ZFYVE26: variants seen among roughly 807,000 people sequenced by gnomAD.
ZFYVE26 encodes the protein zinc finger FYVE domain-containing protein 26.
A neutral mutation model predicts 276.5 loss-of-function variants in ZFYVE26; 181 were observed. The observed-to-expected ratio is 0.65, with a 90% CI of 0.58 to 0.74. The LOEUF (loss-of-function observed/expected upper bound fraction) is 0.74, where lower values mean the gene tolerates loss of function less well. Among genes scored for constraint, ZFYVE26 ranks in the 30% least tolerant of loss-of-function variants. The probability of loss-of-function intolerance (pLI) is 0.00; values close to 1 mark genes in which losing one functional copy is unlikely to be tolerated. For missense variants in ZFYVE26, 2,821 were observed against 3,097.9 expected (o/e 0.91, Z 2.12); for synonymous variants, 1,129 against 1,203.1 (o/e 0.94, Z 1.27).
In ZFYVE26 at chr14:67,805,656, G is replaced by A. The variant is rs750521999; in HGVS notation, c.1018-38C>T. The A allele has an allele frequency of 2.7e-5, 43 of 1,605,090 alleles. No individual in the cohort carries two copies. In the South Asian group the frequency reaches 4.7e-4, roughly 18 times the overall value. On this transcript the variant is annotated intron_variant, in intron 6 of 41. Transcript: ENST00000347230. Reference sequence around the variant, plus strand: ...GAAAGCTGTTATAGGCAGCTATGTGGATGAGACAGAATGGGTTCTAGCTTA... The same window carrying A: ...GAAAGCTGTTATAGGCAGCTATGTGAATGAGACAGAATGGGTTCTAGCTTA...
chr14:67,788,715 T>A (rs752440063), intron 16 of ZFYVE26, among the ~76,000 whole-genome samples: 1 of 152,188 alleles, frequency 6.6e-6, no homozygotes, highest in Non-Finnish European at 1.5e-5. Flanking sequence ...CCCAGACACA[T>A]GGGGCTACTC....
At chr14:67,753,848 T>C (rs1337294484) in intron 38 of ZFYVE26, 82 bp from the exon 39 acceptor site, 1 of 1,535,574 alleles carries the variant, frequency 6.5e-7, no homozygotes, top group Non-Finnish European at 9.0e-7. Flanking sequence ...CCTCTATTTA[T>C]TCAATTATTC....
intron 10 of ZFYVE26, chr14:67,799,414 G>C: frequency 6.2e-7 from 1 of 1,613,120 alleles, no homozygotes; most frequent in East Asian, 2.2e-5. Context: ...CTCAGGAAGA[G>C]GCCAAAGAAG....
At chr14:67,739,953 C>T (rs2038396312) in intron 13 of ZFYVE26, among the ~76,000 whole-genome samples, 1 of 152,108 alleles carries the variant, frequency 6.6e-6, no homozygotes. Flanking sequence ...GTTTATTTCT[C>T]GCTCATGTCA....
Position 67,755,077 on chromosome 14 carries a change from CT to C in ZFYVE26, c.6959del (p.Lys2320ArgfsTer3). 6.2e-7 allele frequency: 1 copy of C among 1,614,168 alleles called. No homozygotes were observed. ...TTGACACATCAGCTGCAGTCATCTTCTTTCTGAAGAATGTGGTTTTCTTCCT... is the reference window on the plus strand; with the variant it reads ...TTGACACATCAGCTGCAGTCATCTTCTTCTGAAGAATGTGGTTTTCTTCCT... ...SGRKKTTFFR[K>X]KMTAADVSRH... On this transcript the variant is annotated frameshift_variant, in exon 37 of 42. Coordinates refer to ENST00000347230, the MANE Select transcript of ZFYVE26 (RefSeq NM_015346.4). LOFTEE classifies it high-confidence loss of function.
chr14:67,800,281 G>A (rs1566894182), intron 10 of ZFYVE26, among the ~76,000 whole-genome samples: 1 of 152,136 alleles, frequency 6.6e-6, no homozygotes, highest in Non-Finnish European at 1.5e-5. Flanking sequence ...CAATAGCCCT[G>A]GTCAGCTTTA....
chr14:67,806,499 G>A, intron 6 of ZFYVE26, 46 bp downstream of exon 6: 1 of 1,612,278 alleles, frequency 6.2e-7, no homozygotes, highest in South Asian at 1.1e-5. Context: ...AAAGTCTGGG[G>A]AGAATCCCTG....
At chr14:67,744,659 C>T (rs917334792), downstream of ZFYVE26, among the ~76,000 whole-genome samples, 13 of 152,220 alleles carry the variant, frequency 8.5e-5, no homozygotes, top group Admixed American at 1.3e-4. Flanking sequence ...TGAGAACATG[C>T]GATGTTTCGT....
intron 5 of ZFYVE26, 54 bp downstream of exon 5, chr14:67,807,344 G>T: frequency 1.2e-6 from 2 of 1,608,860 alleles, no homozygotes; most frequent in Non-Finnish European, 8.5e-7. Flanking sequence ...CTCCAGCAAG[G>T]CTGGGCATAC....
intron 23 of ZFYVE26, among the ~76,000 whole-genome samples, chr14:67,779,600 C>T (rs529021679): frequency 6.6e-6 from 1 of 152,112 alleles, no homozygotes; most frequent in Admixed American, 6.5e-5. Flanking sequence ...AAAAAGGTGA[C>T]ATGGTTATGG....
chr14:67,797,545 G>A lies in ZFYVE26; in HGVS notation c.2332+127C>T. On this transcript the variant is annotated intron_variant, in intron 12 of 41. Coordinates refer to ENST00000347230, the MANE Select transcript of ZFYVE26 (RefSeq NM_015346.4). ...AAACTATTAACAAGGGTTACCTTGA[G>A]GGAGTGGGAATAGGATAATTTTACA... 5 of 1,037,698 alleles carry A rather than the reference G, an allele frequency of 4.8e-6. No individual in the cohort carries two copies. In the East Asian group the frequency reaches 1.3e-4, roughly 27 times the overall value. 64.3% of individuals were successfully genotyped at this position (1,037,698 alleles called of 1,614,324 possible). A position where few individuals can be genotyped will look rare whatever the true frequency, so the allele number is the denominator to read the frequency against.
At position 67,766,221 on chromosome 14, in the gene ZFYVE26, C is replaced by T. The variant is rs775739164; in HGVS notation, c.6011+6G>A. The T allele has an allele frequency of 1.2e-6, 2 of 1,613,844 alleles. No homozygotes were observed. The highest frequency in any genetic ancestry group is 2.7e-5 in the African/African-American group (2 of 74,938). ...TGTAAAAGAATAGAGACCCACTGCC[C>T]TCTACCTGTCACAAAGAGCCAAGTC... On this transcript the variant is annotated splice_donor_region_variant and intron_variant, in intron 32 of 41. Coordinates refer to ENST00000347230, the MANE Select transcript of ZFYVE26 (RefSeq NM_015346.4).
At position 67,754,534 on chromosome 14, in the gene ZFYVE26, T is replaced by A. The variant is rs546657491; in HGVS notation, c.6987-322A>T. Among the ~76,000 whole-genome samples the A allele has an allele frequency of 6.6e-4, 101 of 152,302 alleles. 1 individual carries two copies. Among genetic ancestry groups the A allele is most frequent in the Non-Finnish European group, 1.1e-3 (75 of 68,022 alleles). ...AGATGAGCCCTGCCCTCAGAGTTTA[T>A]AGGCTGGAAGAGAAATGAATAGTAA... On this transcript the variant is annotated intron_variant, in intron 37 of 41. Coordinates refer to ENST00000347230, the MANE Select transcript of ZFYVE26 (RefSeq NM_015346.4).
In ZFYVE26 at chr14:67,811,394, G is replaced by A. The variant is rs575039465; in HGVS notation, c.274-2105C>T. On this transcript the variant is annotated intron_variant, in intron 3 of 41. Transcript: ENST00000347230. ...AAAGACAAAATTAATTCTGGTGACC[G>A]AGAGGAGCAAAAATTTAAAAAACTG... 2.0e-4 allele frequency among the ~76,000 whole-genome samples: 30 copies of A among 152,270 alleles called. 1 individual carries two copies. Among genetic ancestry groups the A allele is most frequent in the Middle Eastern group, 6.8e-3 (2 of 294 alleles).
intron 8 of ZFYVE26, among the ~76,000 whole-genome samples, 157 bp from the exon 9 acceptor site, chr14:67,804,421 T>G (rs1347135519): frequency 6.6e-6 from 1 of 152,194 alleles, no homozygotes; most frequent in Non-Finnish European, 1.5e-5. Context: ...GGACTGAGCC[T>G]AACATTTATT....
chr14:67,807,721 G>A lies in ZFYVE26; in HGVS notation c.563C>T (p.Pro188Leu), dbSNP rs749140639. 6.2e-7 allele frequency: 1 copy of A among 1,614,196 alleles called. No homozygotes were observed. The highest frequency in any genetic ancestry group is 1.3e-5 in the African/African-American group (1 of 75,068). ...GAGGTCCACCAGTGCATTCTGCAGA[G>A]GCCAGTGACAGAGGCCAGTACCGTC... ...EDDGTGLCHW[P>L]LQNALVDLIR... The change falls in exon 5 of 42, where the codon CCT (proline) becomes CTT (leucine). Residue 188 changes from proline to leucine, a missense_variant. By Grantham distance (98) the Pro-to-Leu change is moderately conservative (BLOSUM62 -3). Coordinates refer to ENST00000347230, the MANE Select transcript of ZFYVE26 (RefSeq NM_015346.4).
intron 13 of ZFYVE26, among the ~76,000 whole-genome samples, chr14:67,735,980 G>T (rs765319866): frequency 2.0e-5 from 3 of 152,102 alleles, no homozygotes; most frequent in Admixed American, 1.3e-4. Flanking sequence ...GTTGCCATGC[G>T]TCCCAAGCTC....
At chr14:67,749,045 G>A (rs897338750) in intron 41 of ZFYVE26, among the ~76,000 whole-genome samples, 6 of 152,048 alleles carry the variant, frequency 3.9e-5, no homozygotes, top group African/African-American at 9.7e-5. Flanking sequence ...CTGTCTCCTT[G>A]ATCAGACTTT....
In ZFYVE26 at chr14:67,778,238, A is replaced by T; in HGVS notation, c.4685T>A (p.Leu1562Gln). ...GTACAGGCAGCCCCACTCTTCACAC[A>T]GTTCATACTCCTGGAAGGAAACACA... ...NMILEAQEYE[L>Q]CEEWGCLYPI... Residue 1562 changes from leucine to glutamine, a missense_variant, in exon 24 of 42, where the codon CTG becomes CAG. Transcript: ENST00000347230. 1 of 1,614,188 alleles carries T rather than the reference A, an allele frequency of 6.2e-7. No individual in the cohort carries two copies. Among genetic ancestry groups the T allele is most frequent in the Non-Finnish European group, 8.5e-7 (1 of 1,180,020 alleles).
Sources: allele counts gnomAD v4.1 joint callset (sites outside exome capture counted in the v4.1 genomes callset), GRCh38; gene constraint gnomAD v4.1.1; transcripts MANE v1.5; gene names NCBI Gene and HGNC (gene_info 2026-07-23, HGNC 2026-07-21).